Variants in MCC observed in about 807,000 individuals in gnomAD.
MCC encodes MCC regulator of Wnt signaling pathway.
MCC carries 90 observed loss-of-function variants against 116.2 expected under a neutral mutation model. The observed-to-expected ratio is 0.77, with a 90% CI of 0.65 to 0.92. The LOEUF is 0.92. MCC is among the 40% of genes least tolerant of loss of function. The pLI is 0.00. For synonymous variants in MCC, 578 were observed against 510.5 expected (o/e 1.13, Z -1.78); for missense variants, 1,516 against 1,312.2 (o/e 1.16, Z -2.40).
At chr5:113,162,200 T>C (rs1055595360) in intron 3 of MCC, among the ~76,000 whole-genome samples, 1 of 152,214 alleles carries the variant, frequency 6.6e-6, no homozygotes, top group Admixed American at 6.5e-5. Context: ...GATCACTTTG[T>C]TCCCAGAAAA....
intron 3 of MCC, among the ~76,000 whole-genome samples, chr5:113,276,262 G>T (rs1369849334): frequency 1.3e-5 from 2 of 152,196 alleles, no homozygotes; most frequent in South Asian, 4.1e-4. Context: ...GACTGAGTAC[G>T]CAGGCCTGGG....
At chr5:113,284,775 T>G (rs1766180465) in intron 3 of MCC, among the ~76,000 whole-genome samples, 1 of 152,210 alleles carries the variant, frequency 6.6e-6, no homozygotes, top group Admixed American at 6.5e-5. Flanking sequence ...TGCCAAGTAG[T>G]TTTTCAATAG....
intron 8 of MCC, among the ~76,000 whole-genome samples, chr5:113,100,464 C>CTTTTTTTTTTTTTTTTTTTTTTTTT (rs10649958): frequency 1.3e-5 from 1 of 78,810 alleles, no homozygotes; most frequent in Non-Finnish European, 2.3e-5. Flanking sequence ...GTATTTTTCC[C>CTTTTTTTTTTTTTTTTTTTTTTTTT]TTTTTTTTTT....
At chr5:113,187,257 C>A (rs376820511) in intron 3 of MCC, among the ~76,000 whole-genome samples, 1 of 152,166 alleles carries the variant, frequency 6.6e-6, no homozygotes, top group Non-Finnish European at 1.5e-5. Context: ...TACAAGCATG[C>A]GCCACCATGC....
chr5:113,164,729 C>T (rs1434599502), intron 3 of MCC, among the ~76,000 whole-genome samples: 5 of 152,184 alleles, frequency 3.3e-5, no homozygotes, highest in Admixed American at 6.5e-5. Flanking sequence ...CACGGGTATC[C>T]AGGGTCACAC....
intron 3 of MCC, among the ~76,000 whole-genome samples, chr5:113,211,678 A>T (rs950594193): frequency 6.6e-6 from 1 of 152,240 alleles, no homozygotes; most frequent in South Asian, 2.1e-4. Context: ...AGAATTTGGT[A>T]AATGTGTACT....
chr5:113,485,270 T>C (rs1772487847), intron 1 of MCC, among the ~76,000 whole-genome samples: 1 of 152,052 alleles, frequency 6.6e-6, no homozygotes, highest in Admixed American at 6.5e-5. Flanking sequence ...GAATGAGGGT[T>C]CAGCGGAGGA....
intron 5 of MCC, among the ~76,000 whole-genome samples, chr5:113,126,945 G>T (rs1581116586): frequency 1.3e-5 from 2 of 152,060 alleles, no homozygotes; most frequent in South Asian, 4.2e-4. Flanking sequence ...CGTGTCTTGG[G>T]GGGTTTGTTG....
intron 3 of MCC, among the ~76,000 whole-genome samples, chr5:113,286,247 G>A (rs1057343848): frequency 6.6e-6 from 1 of 152,208 alleles, no homozygotes; most frequent in African/African-American, 2.4e-5. Flanking sequence ...AGTGCTGTGT[G>A]TTCTATGGAC....
intron 3 of MCC, among the ~76,000 whole-genome samples, chr5:113,245,936 C>T (rs1182988941): frequency 6.6e-6 from 1 of 152,158 alleles, no homozygotes; most frequent in African/African-American, 2.4e-5. Flanking sequence ...CTTCTCATGA[C>T]ACTGAGGCCA....
chr5:113,183,661 G>C (rs1341362870), intron 3 of MCC, among the ~76,000 whole-genome samples: 1 of 152,182 alleles, frequency 6.6e-6, no homozygotes, highest in Non-Finnish European at 1.5e-5. Context: ...CATACGCAGA[G>C]AGAGTTGGGC....
intron 3 of MCC, among the ~76,000 whole-genome samples, chr5:113,202,663 G>A (rs1170820834): frequency 6.6e-6 from 1 of 151,808 alleles, no homozygotes; most frequent in Non-Finnish European, 1.5e-5. Flanking sequence ...CACATAATTA[G>A]CCTCTGCTTG....
intron 3 of MCC, among the ~76,000 whole-genome samples, chr5:113,320,875 A>G (rs577875261): frequency 2.0e-5 from 3 of 152,336 alleles, no homozygotes; most frequent in South Asian, 2.1e-4. Flanking sequence ...GTGAATACCA[A>G]TTGTTTCACC....
intron 3 of MCC, among the ~76,000 whole-genome samples, chr5:113,197,123 T>G (rs556043339): frequency 3.3e-5 from 5 of 152,234 alleles, no homozygotes; most frequent in Admixed American, 2.6e-4. Flanking sequence ...CAGGGAGCTG[T>G]GGTGGGCTGG....
intron 3 of MCC, among the ~76,000 whole-genome samples, chr5:113,273,612 G>T (rs374129521): frequency 6.6e-6 from 1 of 152,168 alleles, no homozygotes; most frequent in Non-Finnish European, 1.5e-5. Context: ...AAAGAATTTA[G>T]ATGTGTGTGT....
At position 113,484,968 on chromosome 5, in the gene MCC, G is replaced by A. The variant is rs113844711; in HGVS notation, c.170+3277C>T. Among the ~76,000 whole-genome samples the A allele has an allele frequency of 2.9e-3, 447 of 152,244 alleles. 2 individuals are homozygous for A. The highest frequency in any genetic ancestry group is 0.01 in the African/African-American group (430 of 41,538). Reference sequence around the variant, plus strand: ...TCACTCTGCTGCCCAAATCCAGCGGGGTCCCAGCCGCAGTTTGGAGCTACT... The same window carrying A: ...TCACTCTGCTGCCCAAATCCAGCGGAGTCCCAGCCGCAGTTTGGAGCTACT... On this transcript the variant is annotated intron_variant, in intron 1 of 18. Coordinates refer to ENST00000408903, the MANE Select transcript of MCC (RefSeq NM_001085377.2).
At chr5:113,220,280 C>T (rs994214183) in intron 3 of MCC, among the ~76,000 whole-genome samples, 2 of 151,582 alleles carry the variant, frequency 1.3e-5, no homozygotes, top group East Asian at 1.9e-4. Flanking sequence ...AGGATGGTCT[C>T]GATCTCCTGA....
chr5:113,294,979 A>G, intron 3 of MCC: 1 of 985,344 alleles, frequency 1.0e-6, no homozygotes, highest in Non-Finnish European at 1.2e-6. Context: ...GCTGCTGGCC[A>G]CGGGGTGCGC....
At chr5:113,472,154 C>A (rs59254556) in intron 1 of MCC, among the ~76,000 whole-genome samples, 1 of 152,102 alleles carries the variant, frequency 6.6e-6, no homozygotes, top group Non-Finnish European at 1.5e-5. Flanking sequence ...ACGCACGGTG[C>A]GCTGCACTCA....
Sources: gnomAD v4.1 joint callset for allele counts (sites outside exome capture counted in the v4.1 genomes callset) on GRCh38, gnomAD v4.1.1 for gene constraint, MANE v1.5 for transcripts, NCBI Gene and HGNC (gene_info 2026-07-23, HGNC 2026-07-21) for gene names.